Variants in STRN3 observed in about 807,000 individuals in gnomAD.
STRN3 encodes striatin 3.
In STRN3, 29 loss-of-function variants were observed where a neutral mutation model predicts 95.6. The ratio of observed to expected loss-of-function variants is 0.30; its 90% CI spans 0.23 to 0.41. The LOEUF is 0.41. Among genes scored for constraint, STRN3 ranks in the 10% least tolerant of loss-of-function variants. The pLI, the probability that STRN3 is intolerant of heterozygous loss-of-function variation, is 1.00. For missense variants in STRN3, 890 were observed against 972.1 expected, an observed-to-expected ratio of 0.92 and a Z score of 1.12; for synonymous variants, 331 against 357.6, an observed-to-expected ratio of 0.93 and a Z score of 0.84.
chr14:31,014,582 C>T, intron 1 of STRN3: 1 of 415,610 alleles, frequency 2.4e-6, no homozygotes, highest in Non-Finnish European at 4.8e-6. Flanking sequence ...AAAAGTAGTC[C>T]AAAATTTTAC....
chr14:30,992,853 C>G (rs1237923514), intron 1 of STRN3, among the ~76,000 whole-genome samples: 1 of 151,544 alleles, frequency 6.6e-6, no homozygotes, highest in African/African-American at 2.4e-5. Flanking sequence ...TTTCTAAAAA[C>G]AAACAAACAA....
At chr14:30,966,458 G>A (rs1239797553) in intron 1 of STRN3, among the ~76,000 whole-genome samples, 3 of 152,120 alleles carry the variant, frequency 2.0e-5, no homozygotes, top group Admixed American at 6.5e-5. Flanking sequence ...CTCTCGTGAG[G>A]AGGTGCACCC....
At chr14:30,956,804 G>T (rs949538457) in intron 1 of STRN3, among the ~76,000 whole-genome samples, 1 of 152,150 alleles carries the variant, frequency 6.6e-6, no homozygotes, top group Admixed American at 6.5e-5. Context: ...AAATACGTCA[G>T]AAAATGACAT....
In STRN3 at chr14:30,894,580, C is replaced by T. The variant is rs1379414065; in HGVS notation, c.*831G>A. The stretch of plus-strand genomic sequence containing the variant: ...AGAGTTCATTTGGAGTACTAAACCC[C>T]ACTGTTTCATTTTAATACACTTAAT... On this transcript the variant is annotated 3_prime_UTR_variant, in exon 18 of 18. Transcript: ENST00000357479. The T allele has an allele frequency of 1.3e-5, 2 of 153,072 alleles. No homozygotes were observed. Among genetic ancestry groups the T allele is most frequent in the African/African-American group, 2.4e-5 (1 of 41,410 alleles). 9.5% of individuals were successfully genotyped at this position (153,072 alleles called of 1,614,324 possible).
At chr14:30,975,825 C>A (rs775339917) in intron 1 of STRN3, among the ~76,000 whole-genome samples, 1 of 131,156 alleles carries the variant, frequency 7.6e-6, no homozygotes, top group Non-Finnish European at 1.6e-5. Context: ...CAGAGACAGA[C>A]CCTGGCTCTT....
At chr14:30,963,503 G>A (rs1448871363) in intron 1 of STRN3, among the ~76,000 whole-genome samples, 1 of 152,168 alleles carries the variant, frequency 6.6e-6, no homozygotes, top group Admixed American at 6.6e-5. Flanking sequence ...CCAGCTCCTG[G>A]GTTCAAGTGA....
chr14:31,009,480 C>T (rs368385724), intron 1 of STRN3, among the ~76,000 whole-genome samples: 1 of 152,064 alleles, frequency 6.6e-6, no homozygotes, highest in African/African-American at 2.4e-5. Flanking sequence ...ACTACCCCCC[C>T]GCCCCCGCGC....
At chr14:30,945,081 G>T (rs1242357049) in intron 5 of STRN3, among the ~76,000 whole-genome samples, 5 of 151,856 alleles carry the variant, frequency 3.3e-5, no homozygotes, top group African/African-American at 1.2e-4. Flanking sequence ...TGTTACTCAG[G>T]GTAACGTCTC....
At chr14:30,901,524 T>C (rs942780115) in intron 16 of STRN3, among the ~76,000 whole-genome samples, 3 of 152,220 alleles carry the variant, frequency 2.0e-5, no homozygotes, top group Non-Finnish European at 4.4e-5. Flanking sequence ...ACTTGATAAT[T>C]TGTTACCCTG....
At chr14:30,896,610 A>T (rs1220008835) in intron 16 of STRN3, among the ~76,000 whole-genome samples, 1 of 152,034 alleles carries the variant, frequency 6.6e-6, no homozygotes, top group Non-Finnish European at 1.5e-5. Context: ...AGGAAGGAAA[A>T]GTGTCAGTGA....
rs1275746428 is a variant in STRN3, at chr14:30,894,897, T to C, written c.*514A>G. 3 of 1,041,602 alleles carry C rather than the reference T, an allele frequency of 2.9e-6. No homozygotes were observed. Among genetic ancestry groups the C allele is most frequent in the African/African-American group, 1.7e-5 (1 of 57,496 alleles). 64.5% of individuals were successfully genotyped at this position (1,041,602 alleles called of 1,614,324 possible). On this transcript the variant is annotated 3_prime_UTR_variant, in exon 18 of 18. Transcript: ENST00000357479. ...TTTAAGTTAAATTTTCTTTTTCTTT[T>C]TTTTTTTTTTTAAAGCAAAATAAGT...
chr14:30,916,086 C>T (rs1009740738), intron 9 of STRN3, among the ~76,000 whole-genome samples: 1 of 152,080 alleles, frequency 6.6e-6, no homozygotes, highest in African/African-American at 2.4e-5. Context: ...ACACTACTAC[C>T]TCTGCTTTCC....
At chr14:30,904,897 A>G (rs928707615) in intron 15 of STRN3, among the ~76,000 whole-genome samples, 1 of 151,956 alleles carries the variant, frequency 6.6e-6, no homozygotes, top group Non-Finnish European at 1.5e-5. Context: ...ATAACACAGG[A>G]ATGCAACTAG....
intron 13 of STRN3, among the ~76,000 whole-genome samples, chr14:30,908,200 T>A (rs1566428773): frequency 1.3e-5 from 2 of 152,074 alleles, no homozygotes; most frequent in Non-Finnish European, 2.9e-5. Context: ...ATTACCATAG[T>A]GAAAAAAAAC....
chr14:30,923,228 C>T (rs889849610), intron 8 of STRN3, among the ~76,000 whole-genome samples: 4 of 152,144 alleles, frequency 2.6e-5, no homozygotes, highest in South Asian at 2.1e-4. Context: ...GGATATTTGG[C>T]TTCAAGTCAC....
chr14:31,026,186 TGTGTGTGGGG>T lies in STRN3; in HGVS notation c.-11_-2del. On this transcript the variant is annotated 5_prime_UTR_variant, in exon 1 of 18. Transcript: ENST00000357479. ...CACCGCCTCCGGCAAGCTCGTCCAT[TGTGTGTGGGG>T]CCCCGGCCGGGGCGCAGGGCGAGAC... 6.9e-7 allele frequency: 1 copy of T among 1,455,976 alleles called. No homozygotes were observed. Among genetic ancestry groups the T allele is most frequent in the Non-Finnish European group, 9.0e-7 (1 of 1,113,306 alleles). The allele number at this position is 1,455,976 out of a possible 1,614,324, so 90.2% of individuals were successfully genotyped here.
At chr14:31,012,229 T>A (rs1328864707) in intron 1 of STRN3, among the ~76,000 whole-genome samples, 1 of 152,230 alleles carries the variant, frequency 6.6e-6, no homozygotes, top group Non-Finnish European at 1.5e-5. Flanking sequence ...ACCCACTTCA[T>A]CCTATTATCT....
chr14:30,967,901 C>T (rs777242343), intron 1 of STRN3, among the ~76,000 whole-genome samples: 5 of 152,100 alleles, frequency 3.3e-5, no homozygotes, highest in African/African-American at 7.2e-5. Context: ...CTTCAGGACA[C>T]GACTTCCTCC....
intron 13 of STRN3, among the ~76,000 whole-genome samples, chr14:30,910,480 C>T (rs963362205): frequency 2.6e-4 from 39 of 152,036 alleles, no homozygotes; most frequent in Non-Finnish European, 4.6e-4. Flanking sequence ...ATTAACAGTG[C>T]CCTTACAAAT....
Sources: gnomAD v4.1 joint callset for allele counts (sites outside exome capture counted in the v4.1 genomes callset) on GRCh38, gnomAD v4.1.1 for gene constraint, MANE v1.5 for transcripts, NCBI Gene and HGNC (gene_info 2026-07-23, HGNC 2026-07-21) for gene names.